CLDN10: variants seen among roughly 807,000 people sequenced by gnomAD.
The protein encoded by CLDN10 is claudin-10.
CLDN10 carries 15 observed loss-of-function variants against 22.9 expected under a neutral mutation model. That is an observed-to-expected ratio of 0.65 (90% CI 0.44 to 1.01). CLDN10 has a LOEUF of 1.01. Among genes scored for constraint, CLDN10 ranks in the 50% least tolerant of loss-of-function variants. CLDN10 has a pLI of 0.00. For missense variants in CLDN10, 247 were observed against 287.8 expected, an observed-to-expected ratio of 0.86 and a Z score of 1.03; for synonymous variants, 114 against 111.4, an observed-to-expected ratio of 1.02 and a Z score of -0.15.
At chr13:95,482,446 G>T (rs148268132) in intron 1 of CLDN10, among the ~76,000 whole-genome samples, 1 of 152,106 alleles carries the variant, frequency 6.6e-6, no homozygotes, top group Non-Finnish European at 1.5e-5. Context: ...GTGGCAGAAA[G>T]GGTCTAGAGC....
intron 1 of CLDN10, among the ~76,000 whole-genome samples, chr13:95,435,304 T>C (rs75808242): frequency 0.02 from 3,028 of 152,298 alleles, 49 homozygotes; most frequent in Middle Eastern, 0.051. Context: ...CACAGTCAAA[T>C]AGTAAAACTG....
chr13:95,566,494 T>G (rs1230348417), intron 3 of CLDN10, among the ~76,000 whole-genome samples: 1 of 152,244 alleles, frequency 6.6e-6, no homozygotes, highest in Admixed American at 6.5e-5. Context: ...TAAATTTGTT[T>G]GAGTTCATTG....
intron 1 of CLDN10, among the ~76,000 whole-genome samples, chr13:95,442,310 C>T (rs115466169): frequency 0.01 from 1,582 of 152,294 alleles, 30 homozygotes; most frequent in African/African-American, 0.036. Context: ...CTCTGCTCTA[C>T]CCATTTGTTT....
upstream of CLDN10, among the ~76,000 whole-genome samples, chr13:95,552,439 G>T (rs1417636952): frequency 1.1e-4 from 16 of 152,250 alleles, no homozygotes; most frequent in Admixed American, 1.0e-3. Flanking sequence ...AACCTGAGCC[G>T]CTCCAACAAG....
intron 1 of CLDN10, among the ~76,000 whole-genome samples, chr13:95,447,211 C>T (rs752302776): frequency 1.1e-4 from 17 of 152,210 alleles, no homozygotes; most frequent in African/African-American, 2.2e-4. Context: ...TATCTTACTA[C>T]GGCCATATGT....
chr13:95,550,205 G>C (rs76817521), upstream of CLDN10, among the ~76,000 whole-genome samples: 3,479 of 152,290 alleles, frequency 0.023, 47 homozygotes, highest in Non-Finnish European at 0.036. Flanking sequence ...GGTAATCTGG[G>C]CTTATGGATT....
chr13:95,550,745 A>G (rs886959830), upstream of CLDN10, among the ~76,000 whole-genome samples: 1 of 150,240 alleles, frequency 6.7e-6, no homozygotes, highest in African/African-American at 2.4e-5. Context: ...AGAATAGAGG[A>G]TGCTTTGTAG....
At chr13:95,438,640 G>A (rs967438869) in intron 1 of CLDN10, among the ~76,000 whole-genome samples, 1 of 152,158 alleles carries the variant, frequency 6.6e-6, no homozygotes, top group Non-Finnish European at 1.5e-5. Flanking sequence ...CTTTCCAGAT[G>A]CTTCACCTCT....
intron 1 of CLDN10, among the ~76,000 whole-genome samples, chr13:95,506,947 G>C (rs569830096): frequency 1.3e-5 from 2 of 152,218 alleles, no homozygotes; most frequent in African/African-American, 4.8e-5. Context: ...AATTGGGGCC[G>C]GGCTGAACAT....
upstream of CLDN10, among the ~76,000 whole-genome samples, chr13:95,552,375 TG>T (rs1429834681): frequency 1.8e-5 from 1 of 54,156 alleles, no homozygotes; most frequent in Non-Finnish European, 3.7e-5. Context: ...TAGGGCTGGG[TG>T]GGGGTGGTGA....
At chr13:95,460,801 C>T (rs535510819) in intron 1 of CLDN10, among the ~76,000 whole-genome samples, 51 of 152,074 alleles carry the variant, frequency 3.4e-4, no homozygotes, top group Middle Eastern at 6.8e-3. Flanking sequence ...CACATACCAC[C>T]GCACTCAGCT....
At chr13:95,486,522 CA>C (rs35424054) in intron 1 of CLDN10, among the ~76,000 whole-genome samples, 15,505 of 112,946 alleles carry the variant, frequency 0.14, 972 homozygotes, top group Admixed American at 0.19. Context: ...GACCCCATCT[CA>C]AAAAAAAAAA....
chr13:95,467,521 GT>G (rs1555289387), intron 1 of CLDN10, among the ~76,000 whole-genome samples: 28 of 143,350 alleles, frequency 2.0e-4, no homozygotes, highest in African/African-American at 7.1e-4. Context: ...TCCCTCTATT[GT>G]TTTTTTTGGG....
At chr13:95,574,179 A>G (rs2043896023) in intron 3 of CLDN10, among the ~76,000 whole-genome samples, 1 of 152,182 alleles carries the variant, frequency 6.6e-6, no homozygotes, top group East Asian at 1.9e-4. Flanking sequence ...CGCAATAAAC[A>G]TATGAACACA....
intron 1 of CLDN10, among the ~76,000 whole-genome samples, chr13:95,513,086 C>G (rs1454200239): frequency 2.0e-5 from 3 of 152,064 alleles, no homozygotes; most frequent in Non-Finnish European, 4.4e-5. Context: ...TATATTGCTG[C>G]CCAGGTTGGT....
intron 1 of CLDN10, among the ~76,000 whole-genome samples, chr13:95,455,425 A>T (rs1399522748): frequency 6.6e-6 from 1 of 152,196 alleles, no homozygotes; most frequent in African/African-American, 2.4e-5. Flanking sequence ...TAAAACACCA[A>T]TATAAATTGG....
At chr13:95,443,767 G>A (rs1229703847) in intron 1 of CLDN10, among the ~76,000 whole-genome samples, 2 of 152,192 alleles carry the variant, frequency 1.3e-5, no homozygotes, top group South Asian at 4.1e-4. Context: ...TGGGGGTGTG[G>A]TCTTTGGGCT....
At chr13:95,529,579 C>G (rs2043319489) in intron 1 of CLDN10, among the ~76,000 whole-genome samples, 2 of 152,074 alleles carry the variant, frequency 1.3e-5, no homozygotes, top group African/African-American at 4.8e-5. Flanking sequence ...ACCTGGCTTT[C>G]CTGTAACTCT....
chr13:95,455,131 C>T (rs975592467), intron 1 of CLDN10, among the ~76,000 whole-genome samples: 12 of 151,500 alleles, frequency 7.9e-5, no homozygotes, highest in African/African-American at 2.7e-4. Flanking sequence ...GAGCCATGAT[C>T]GCACCACTGG....
Sources: allele counts gnomAD v4.1 joint callset (sites outside exome capture counted in the v4.1 genomes callset), GRCh38; gene constraint gnomAD v4.1.1; transcripts MANE v1.5; gene names NCBI Gene and HGNC (gene_info 2026-07-23, HGNC 2026-07-21).